Variants in NEMP2 observed in about 807,000 individuals in gnomAD.
The protein encoded by NEMP2 is nuclear envelope integral membrane protein 2.
A neutral mutation model predicts 54.2 loss-of-function variants in NEMP2; 53 were observed. That is an observed-to-expected ratio of 0.98 (90% CI 0.78 to 1.23). The LOEUF (loss-of-function observed/expected upper bound fraction) is 1.23. Ranked by LOEUF, NEMP2 falls within the 50% of genes most tolerant of loss-of-function variation. NEMP2 has a pLI of 0.00. For missense variants in NEMP2, 455 were observed against 511.3 expected (o/e 0.89, Z 1.06); for synonymous variants, 197 against 190.3 (o/e 1.04, Z -0.29).
the NEMP2 span, among the ~76,000 whole-genome samples, chr2:190,555,615 TA>T: frequency 2.2e-4 from 33 of 149,508 alleles, no homozygotes; most frequent in African/African-American, 7.4e-4. The surrounding 1 kb of genome is among the most constrained non-coding windows in gnomAD (Gnocchi z 4.8). Flanking sequence ...GAAGACATGC[TA>T]AAAAAAAAGA....
At position 190,512,431 on chromosome 2, in the gene NEMP2, G is replaced by A. The variant is rs909487037; in HGVS notation, c.954-1894C>T. On this transcript the variant is annotated intron_variant, in intron 7 of 8. Transcript: ENST00000409150. The surrounding 1 kb of genome is among the most constrained non-coding windows in gnomAD (Gnocchi z 4.5). ...GTAAACAGCTCTTTGCAACTAGAAA[G>A]TACTATACAAAATAAAGGTATTATT... 3.9e-5 allele frequency among the ~76,000 whole-genome samples: 6 copies of A among 152,100 alleles called. No homozygotes were observed. Among genetic ancestry groups the A allele is most frequent in the Non-Finnish European group, 7.4e-5 (5 of 68,014 alleles).
At chr2:190,574,676 C>A in the NEMP2 span, among the ~76,000 whole-genome samples, 2 of 151,898 alleles carry the variant, frequency 1.3e-5, no homozygotes, top group Non-Finnish European at 2.9e-5. Flanking sequence ...TACTTTCTTT[C>A]CCTTTCTTTC....
the NEMP2 span, among the ~76,000 whole-genome samples, chr2:190,542,422 G>A: frequency 3.3e-5 from 5 of 152,268 alleles, no homozygotes; most frequent in South Asian, 2.1e-4. The surrounding 1 kb of genome is among the most constrained non-coding windows in gnomAD (Gnocchi z 4.6). Flanking sequence ...ATGTTGGCCC[G>A]GCTAGTCTTG....
chr2:190,644,431 T>C, the NEMP2 span, among the ~76,000 whole-genome samples: 2 of 152,234 alleles, frequency 1.3e-5, no homozygotes, highest in Non-Finnish European at 2.9e-5. This position sits in a 1 kb window ranked among gnomAD's most constrained non-coding sequence, Gnocchi z 4.4. Context: ...TGTTCAAAGG[T>C]GTGTCATATA....
At chr2:190,466,669 C>T in the NEMP2 span, among the ~76,000 whole-genome samples, 1 of 152,040 alleles carries the variant, frequency 6.6e-6, no homozygotes, top group South Asian at 2.1e-4. Context: ...TGTTTTTATC[C>T]CCACTTGATA....
chr2:190,590,846 A>T, the NEMP2 span, among the ~76,000 whole-genome samples: 1 of 152,218 alleles, frequency 6.6e-6, no homozygotes, highest in Non-Finnish European at 1.5e-5. This position sits in a 1 kb window ranked among gnomAD's most constrained non-coding sequence, Gnocchi z 5.1. Flanking sequence ...ACCAGAATTC[A>T]TAAAACTATG....
At position 190,509,512 on chromosome 2, in the gene NEMP2, G is replaced by A. The variant is rs2125301968; in HGVS notation, c.1131-200C>T. Among the ~76,000 whole-genome samples the A allele has an allele frequency of 6.6e-6, 1 of 152,290 alleles. No individual in the cohort carries two copies. Among genetic ancestry groups the A allele is most frequent in the East Asian group, 1.9e-4 (1 of 5,188 alleles). On this transcript the variant is annotated intron_variant, in intron 8 of 8. Transcript: ENST00000409150. The surrounding 1 kb of genome is among the most constrained non-coding windows in gnomAD (Gnocchi z 6.1). ...AACAGCTATTCATGGAAAGGGCAGA[G>A]AATTAGGGCAGATATATAAGCACTA...
upstream of NEMP2, among the ~76,000 whole-genome samples, chr2:190,536,463 C>G (rs1030234606): frequency 6.6e-6 from 1 of 152,302 alleles, no homozygotes; most frequent in East Asian, 1.9e-4. Context: ...TCACTCAAGA[C>G]TCACCACAGA....
At position 190,512,280 on chromosome 2, in the gene NEMP2, T is replaced by G. The variant is rs1450651069; in HGVS notation, c.954-1743A>C. 6.6e-6 allele frequency among the ~76,000 whole-genome samples: 1 copy of G among 152,232 alleles called. No homozygotes were observed. The highest frequency in any genetic ancestry group is 6.5e-5 in the Admixed American group (1 of 15,288). On this transcript the variant is annotated intron_variant, in intron 7 of 8. Transcript: ENST00000409150. This position sits in a 1 kb window ranked among gnomAD's most constrained non-coding sequence, Gnocchi z 4.5. Reference sequence around the variant, plus strand: ...AAGCAATAATATCTCCCTCATCTACTTCATAGGTCACTGTACAGGTTAAAT... The same window carrying G: ...AAGCAATAATATCTCCCTCATCTACGTCATAGGTCACTGTACAGGTTAAAT...
chr2:190,479,676 T>G, the NEMP2 span, among the ~76,000 whole-genome samples: 1 of 152,168 alleles, frequency 6.6e-6, no homozygotes, highest in African/African-American at 2.4e-5. Context: ...AGAATTATCC[T>G]TGCTATTAAA....
At chr2:190,468,619 A>ATTTT in the NEMP2 span, among the ~76,000 whole-genome samples, 1 of 128,030 alleles carries the variant, frequency 7.8e-6, no homozygotes, top group Admixed American at 8.0e-5. Flanking sequence ...AGCCTGGCTA[A>ATTTT]TTTTTTTTTT....
the NEMP2 span, among the ~76,000 whole-genome samples, chr2:190,478,923 T>A: frequency 6.6e-6 from 1 of 152,094 alleles, no homozygotes; most frequent in Non-Finnish European, 1.5e-5. Context: ...TGTCTAGTAC[T>A]ATCTAGAGGG....
the NEMP2 span, among the ~76,000 whole-genome samples, chr2:190,456,008 T>TCGGCTCA: frequency 7.1e-6 from 1 of 140,774 alleles, no homozygotes; most frequent in African/African-American, 2.6e-5. This position sits in a 1 kb window ranked among gnomAD's most constrained non-coding sequence, Gnocchi z 5.4. Context: ...CGGCATGATC[T>TCGGCTCA]CGGCTCACTG....
chr2:190,488,901 T>C, the NEMP2 span: 3 of 1,294,760 alleles, frequency 2.3e-6, no homozygotes, highest in African/African-American at 4.6e-5. This position sits in a 1 kb window ranked among gnomAD's most constrained non-coding sequence, Gnocchi z 6.4. Context: ...ACAATCCAAT[T>C]ATTACTGAAG....
At chr2:190,477,188 AAAACTT>A in the NEMP2 span, 1 of 919,434 alleles carries the variant, frequency 1.1e-6, no homozygotes, top group East Asian at 1.2e-4. Context: ...CATGTACCCT[AAAACTT>A]AAAGTATAAT....
the NEMP2 span, among the ~76,000 whole-genome samples, chr2:190,645,033 T>TA: frequency 6.6e-6 from 1 of 152,150 alleles, no homozygotes; most frequent in Non-Finnish European, 1.5e-5. Context: ...GCCTGTAAAA[T>TA]AAGCTTCTCC....
the NEMP2 span, among the ~76,000 whole-genome samples, chr2:190,639,336 TA>T: frequency 1.3e-4 from 20 of 151,864 alleles, no homozygotes; most frequent in Admixed American, 2.6e-4. Context: ...CAGATGACAT[TA>T]AAGTGCTTGA....
At chr2:190,490,979 C>T in the NEMP2 span, among the ~76,000 whole-genome samples, 2 of 152,346 alleles carry the variant, frequency 1.3e-5, no homozygotes, top group African/African-American at 2.4e-5. The surrounding 1 kb of genome is among the most constrained non-coding windows in gnomAD (Gnocchi z 4.5). Context: ...TACACAGCCT[C>T]AGTCCATGCC....
At chr2:190,561,363 A>T in the NEMP2 span, among the ~76,000 whole-genome samples, 1 of 152,198 alleles carries the variant, frequency 6.6e-6, no homozygotes, top group African/African-American at 2.4e-5. This position sits in a 1 kb window ranked among gnomAD's most constrained non-coding sequence, Gnocchi z 5.4. Flanking sequence ...AGGGTGGCTT[A>T]AACAACAGGA....
Sources: gnomAD v4.1 joint callset for allele counts (sites outside exome capture counted in the v4.1 genomes callset) on GRCh38, gnomAD v4.1.1 for gene constraint, Gnocchi (gnomAD v3.1) non-coding constraint, MANE v1.5 for transcripts, NCBI Gene and HGNC (gene_info 2026-07-23, HGNC 2026-07-21) for gene names.